VTI1A: variants seen among roughly 807,000 people sequenced by gnomAD.
VTI1A encodes vesicle transport through interaction with t-SNAREs 1A.
In VTI1A, 22 loss-of-function variants were observed where a neutral mutation model predicts 34.9. That is an observed-to-expected ratio of 0.63 (90% CI 0.45 to 0.90). The LOEUF is 0.90. Among genes scored for constraint, VTI1A ranks in the 40% least tolerant of loss-of-function variants. The pLI, the probability that VTI1A is intolerant of heterozygous loss-of-function variation, is 0.00. For missense variants in VTI1A, 268 were observed against 275.6 expected, an observed-to-expected ratio of 0.97 and a Z score of 0.20; for synonymous variants, 87 against 97.3, an observed-to-expected ratio of 0.89 and a Z score of 0.62.
intron 5 of VTI1A, among the ~76,000 whole-genome samples, chr10:112,623,151 T>C (rs1015008780): frequency 3.9e-5 from 6 of 152,194 alleles, no homozygotes; most frequent in African/African-American, 1.2e-4. Flanking sequence ...ATGAGAGATA[T>C]GTAGATCTTA....
In VTI1A at chr10:112,668,386, T is replaced by C; in HGVS notation, c.498+98T>C. On this transcript the variant is annotated intron_variant, in intron 6 of 7. Coordinates refer to ENST00000393077, the MANE Select transcript of VTI1A (RefSeq NM_145206.4). The stretch of plus-strand genomic sequence containing the variant: ...ACAATAGCAATTAGGTAGATATATG[T>C]GTGTAAGGTGAAAGAGGGTATAAGG... The C allele has an allele frequency of 3.1e-6, 4 of 1,294,036 alleles. 2 individuals are homozygous for C. In the Admixed American group the frequency reaches 8.1e-5, roughly 26 times the overall value. 80.2% of individuals were successfully genotyped at this position (1,294,036 alleles called of 1,614,324 possible).
chr10:112,552,592 G>A (rs924550740), intron 5 of VTI1A, among the ~76,000 whole-genome samples: 5 of 149,616 alleles, frequency 3.3e-5, no homozygotes. Flanking sequence ...CTTTGTTACT[G>A]TAAAAAGAGA....
At chr10:112,498,925 T>C (rs1849124529) in intron 3 of VTI1A, among the ~76,000 whole-genome samples, 1 of 152,204 alleles carries the variant, frequency 6.6e-6, no homozygotes, top group South Asian at 2.1e-4. Flanking sequence ...CCACTGGGAC[T>C]GAAATGTTTT....
At chr10:112,694,441 G>A (rs1240130953) in intron 7 of VTI1A, among the ~76,000 whole-genome samples, 1 of 151,890 alleles carries the variant, frequency 6.6e-6, no homozygotes, top group Non-Finnish European at 1.5e-5. Flanking sequence ...AAGAACAGAC[G>A]AGCTGTGACA....
intron 7 of VTI1A, among the ~76,000 whole-genome samples, chr10:112,695,445 C>A (rs1848750669): frequency 6.6e-6 from 1 of 151,824 alleles, no homozygotes; most frequent in African/African-American, 2.4e-5. Context: ...TTTGCTTTTT[C>A]CCATAATTGC....
intron 4 of VTI1A, among the ~76,000 whole-genome samples, chr10:112,527,913 T>C (rs1850292599): frequency 6.6e-6 from 1 of 152,072 alleles, no homozygotes; most frequent in African/African-American, 2.4e-5. Flanking sequence ...CTTCATTAAT[T>C]CATGTAGATA....
intron 3 of VTI1A, among the ~76,000 whole-genome samples, chr10:112,519,986 G>A (rs1849955891): frequency 6.6e-6 from 1 of 151,930 alleles, no homozygotes; most frequent in Non-Finnish European, 1.5e-5. Context: ...TGTTGCAGTA[G>A]TTTATTTTAA....
chr10:112,655,520 T>C (rs1847199476), intron 5 of VTI1A, among the ~76,000 whole-genome samples: 1 of 151,896 alleles, frequency 6.6e-6, no homozygotes, highest in South Asian at 2.1e-4. Context: ...ACAAAATGAA[T>C]TCTGCCTTGT....
intron 7 of VTI1A, among the ~76,000 whole-genome samples, chr10:112,813,921 T>C (rs1456518356): frequency 1.3e-5 from 2 of 152,116 alleles, no homozygotes; most frequent in African/African-American, 4.8e-5. Flanking sequence ...TGTCAGCAAA[T>C]GTGATCATTT....
intron 7 of VTI1A, among the ~76,000 whole-genome samples, chr10:112,731,649 T>A (rs1020225908): frequency 1.3e-5 from 2 of 152,102 alleles, no homozygotes; most frequent in African/African-American, 4.8e-5. Context: ...CAGTTAAGTA[T>A]ATGACATCAC....
intron 5 of VTI1A, among the ~76,000 whole-genome samples, chr10:112,620,306 G>A (rs971981474): frequency 2.6e-5 from 4 of 152,184 alleles, no homozygotes; most frequent in Non-Finnish European, 5.9e-5. Context: ...TCTATGAAGA[G>A]GAAAGACACA....
chr10:112,592,448 C>T (rs1844430561), intron 5 of VTI1A, among the ~76,000 whole-genome samples: 1 of 152,206 alleles, frequency 6.6e-6, no homozygotes, highest in South Asian at 2.1e-4. Context: ...TCCATAAAGG[C>T]TTCTGGGAAA....
chr10:112,623,969 G>A (rs1165625918), intron 5 of VTI1A, among the ~76,000 whole-genome samples: 2 of 152,204 alleles, frequency 1.3e-5, no homozygotes, highest in South Asian at 4.1e-4. Context: ...AGATCTATTT[G>A]CAAGGGCCTT....
chr10:112,561,471 C>T (rs1159506923), intron 5 of VTI1A, among the ~76,000 whole-genome samples: 1 of 152,112 alleles, frequency 6.6e-6, no homozygotes, highest in Non-Finnish European at 1.5e-5. Context: ...CTTGTAGTGT[C>T]TTTGTGTAAA....
chr10:112,662,898 C>CCTGTG (rs1472771517), intron 5 of VTI1A, among the ~76,000 whole-genome samples: 2 of 147,756 alleles, frequency 1.4e-5, no homozygotes, highest in Admixed American at 7.3e-5. Context: ...TAGTGCACTC[C>CCTGTG]CAACCTGTGT....
At position 112,643,891 on chromosome 10, in the gene VTI1A, G is replaced by A. The variant is rs79147072; in HGVS notation, c.428-24327G>A. Among the ~76,000 whole-genome samples, 1,282 of 152,120 alleles carry A rather than the reference G, an allele frequency of 8.4e-3. 21 individuals are homozygous for A. Among genetic ancestry groups the A allele is most frequent in the African/African-American group, 0.029 (1,215 of 41,488 alleles). ...TTCGTTTACTATTTCAATAGTCTGA[G>A]TCTCAGTGGCAAATGAAAATACAAT... On this transcript the variant is annotated intron_variant, in intron 5 of 7. Coordinates refer to ENST00000393077, the MANE Select transcript of VTI1A (RefSeq NM_145206.4).
At chr10:112,494,520 T>C (rs1339611662) in intron 3 of VTI1A, among the ~76,000 whole-genome samples, 2 of 152,048 alleles carry the variant, frequency 1.3e-5, no homozygotes, top group Admixed American at 6.5e-5. Flanking sequence ...CTTTCCTCCT[T>C]CTTTCCTCCT....
At chr10:112,473,132 C>CA (rs1848158154) in intron 3 of VTI1A, among the ~76,000 whole-genome samples, 1 of 137,884 alleles carries the variant, frequency 7.3e-6, no homozygotes, top group African/African-American at 2.7e-5. Flanking sequence ...CTTTTTGAGA[C>CA]AGAGTCTTGC....
chr10:112,457,046 G>T (rs1439531508), intron 1 of VTI1A, among the ~76,000 whole-genome samples: 2 of 152,198 alleles, frequency 1.3e-5, no homozygotes, highest in African/African-American at 4.8e-5. Flanking sequence ...CTAAATGGTA[G>T]CTTAACAAAG....
Sources: gnomAD v4.1 joint callset for allele counts (sites outside exome capture counted in the v4.1 genomes callset) on GRCh38, gnomAD v4.1.1 for gene constraint, MANE v1.5 for transcripts, NCBI Gene and HGNC (gene_info 2026-07-23, HGNC 2026-07-21) for gene names.